Variants in SRP19 observed in about 807,000 individuals in gnomAD.
SRP19 encodes the protein signal recognition particle 19, also known as signal recognition particle 19 kDa protein.
Under a neutral mutation model 22.4 loss-of-function variants are expected in SRP19, and 11 were observed. The observed-to-expected ratio is 0.49, with a 90% CI of 0.31 to 0.81. The LOEUF (loss-of-function observed/expected upper bound fraction) is 0.81. SRP19 is among the 40% of genes least tolerant of loss of function. The probability of loss-of-function intolerance (pLI) is 0.05; values close to 1 mark genes in which losing one functional copy is unlikely to be tolerated. For missense variants in SRP19, 168 were observed against 175.9 expected (o/e 0.96, Z 0.25); for synonymous variants, 61 against 57.6 (o/e 1.06, Z -0.27).
At chr5:112,887,250 T>A in intron 4 of SRP19, 2 of 1,368,320 alleles carry the variant, frequency 1.5e-6, no homozygotes, top group Admixed American at 2.2e-5. Context: ...GAATACACAC[T>A]GTCTTTCACT....
chr5:112,866,288 G>C (rs1767603395), intron 4 of SRP19, among the ~76,000 whole-genome samples: 1 of 151,856 alleles, frequency 6.6e-6, no homozygotes, highest in Non-Finnish European at 1.5e-5. Flanking sequence ...GGCTAATTTT[G>C]TATTTTTAGT....
downstream of SRP19, chr5:112,895,623 T>G (rs1248333734): frequency 6.6e-6 from 1 of 152,216 alleles, no homozygotes; most frequent in Non-Finnish European, 1.5e-5. Context: ...TACTGCTCTC[T>G]AGCTACATCC....
At chr5:112,875,747 A>G (rs1473138190) in intron 4 of SRP19, among the ~76,000 whole-genome samples, 3 of 152,088 alleles carry the variant, frequency 2.0e-5, no homozygotes, top group Non-Finnish European at 4.4e-5. Context: ...GGCACATGTA[A>G]AAAGTTTACT....
downstream of SRP19, among the ~76,000 whole-genome samples, chr5:112,874,487 C>T (rs1224828886): frequency 2.0e-5 from 3 of 152,174 alleles, no homozygotes; most frequent in Admixed American, 6.5e-5. Flanking sequence ...TAAATCAGCA[C>T]TTTGTTAGTG....
chr5:112,881,128 C>CA (rs58737941), intron 4 of SRP19, among the ~76,000 whole-genome samples: 4,773 of 66,832 alleles, frequency 0.071, 420 homozygotes, highest in Middle Eastern at 0.15. Context: ...GACTCTGTTT[C>CA]AAAAAAAAAA....
intron 2 of SRP19, 152 bp from the exon 3 acceptor site, chr5:112,864,305 A>T (rs1209737849): frequency 1.1e-5 from 7 of 641,110 alleles, no homozygotes; most frequent in South Asian, 2.0e-5. Context: ...AGGAATTTTT[A>T]AAATTACAAT....
In SRP19 at chr5:112,864,800, C is replaced by G. The variant is rs888331024; in HGVS notation, c.301+68C>G. ...TCTCCTACACAACACAAAAAAGGTT[C>G]TAAAACTGAAAGGTAAAAGTCAGAA... On this transcript the variant is annotated intron_variant, in intron 4 of 4. Coordinates refer to ENST00000505459, the MANE Select transcript of SRP19 (RefSeq NM_003135.3). The G allele has an allele frequency of 5.8e-5, 72 of 1,249,362 alleles. No homozygotes were observed. In the Admixed American group the frequency reaches 9.6e-4, roughly 17 times the overall value. The allele number at this position is 1,249,362 out of a possible 1,614,324, so 77.4% of individuals were successfully genotyped here.
At chr5:112,872,205 C>G (rs1767774799), downstream of SRP19, among the ~76,000 whole-genome samples, 1 of 151,730 alleles carries the variant, frequency 6.6e-6, no homozygotes. Context: ...ACATTTGCTA[C>G]TAAAAGTATG....
chr5:112,861,473 G>A (rs1767396177), intron 1 of SRP19, 56 bp downstream of exon 1: 19 of 1,568,196 alleles, frequency 1.2e-5, no homozygotes, highest in Non-Finnish European at 1.7e-5. Context: ...TGGTGCTGCA[G>A]GTGCTACACC....
In SRP19 at chr5:112,864,722, G is replaced by C; in HGVS notation, c.291G>C (p.Gln97His). ...AAGATGGGAGCCTCTGCCTTGTACA[G>C]TTCCCATCACGTAAGCTTGTTTAAA... ...KQEDGSLCLV[Q>H]FPSRKSVMLY... The change falls in exon 4 of 5, where the codon CAG becomes CAC. Residue 97 changes from glutamine to histidine, a missense_variant. Gln to His is a conservative substitution (Grantham distance 24). Coordinates refer to ENST00000505459, the MANE Select transcript of SRP19 (RefSeq NM_003135.3). 2 of 1,612,102 alleles carry C rather than the reference G, an allele frequency of 1.2e-6. No homozygotes were observed. Among genetic ancestry groups the C allele is most frequent in the Non-Finnish European group, 1.7e-6 (2 of 1,178,834 alleles).
intron 4 of SRP19, among the ~76,000 whole-genome samples, chr5:112,890,798 T>C (rs1310342805): frequency 6.6e-6 from 1 of 150,904 alleles, no homozygotes; most frequent in Non-Finnish European, 1.5e-5. Context: ...CCAATCCTGG[T>C]TCTGCCATTT....
chr5:112,893,274 G>C (rs1356545865), downstream of SRP19: 2 of 266,100 alleles, frequency 7.5e-6, no homozygotes, highest in Non-Finnish European at 7.3e-6. Context: ...GCCAGGTGTG[G>C]TGGCAGGCGT....
downstream of SRP19, among the ~76,000 whole-genome samples, chr5:112,873,382 C>T (rs376809555): frequency 2.0e-4 from 29 of 145,064 alleles, no homozygotes; most frequent in African/African-American, 4.8e-4. Flanking sequence ...TGTTTCACAC[C>T]GTCACCCAGA....
In SRP19 at chr5:112,879,919, C is replaced by G. The variant is rs150745079; in HGVS notation, c.302-11684C>G. On this transcript the variant is annotated intron_variant, in intron 4 of 4. Transcript: ENST00000391338. ...TATGAATGGTGAGACCCCCACCCCC[C>G]ACCTCTATTTTAAAAAAATTTTAAA... Among the ~76,000 whole-genome samples, 554 of 151,996 alleles carry G rather than the reference C, an allele frequency of 3.6e-3. 4 individuals are homozygous for G. The highest frequency in any genetic ancestry group is 0.013 in the African/African-American group (535 of 41,468).
downstream of SRP19, among the ~76,000 whole-genome samples, chr5:112,873,861 T>A (rs1184197414): frequency 4.6e-5 from 7 of 151,976 alleles, no homozygotes; most frequent in Non-Finnish European, 8.8e-5. Context: ...GACCAAAAGG[T>A]TGATTATAAG....
At position 112,868,310 on chromosome 5, in the gene SRP19, A is replaced by C; in HGVS notation, c.*773A>C. 1 of 985,754 alleles carries C rather than the reference A, an allele frequency of 1.0e-6. No homozygotes were observed. The highest frequency in any genetic ancestry group is 1.2e-6 in the Non-Finnish European group (1 of 830,174). The allele number at this position is 985,754 out of a possible 1,614,324, so 61.1% of individuals were successfully genotyped here. ...AAAGTAGTGATTTTGAGCTATCCCA[A>C]TTCCTGTTCTTCCTGAGGCCTGGTT... On this transcript the variant is annotated 3_prime_UTR_variant, in exon 5 of 5. Coordinates refer to ENST00000505459, the MANE Select transcript of SRP19 (RefSeq NM_003135.3).
At chr5:112,887,276 G>A (rs1768285192) in intron 4 of SRP19, 9 of 1,188,486 alleles carry the variant, frequency 7.6e-6, no homozygotes, top group Non-Finnish European at 9.9e-6. Context: ...GGGGATGGGA[G>A]ATGCCTCTGT....
At chr5:112,889,456 T>A (rs572953454) in intron 4 of SRP19, among the ~76,000 whole-genome samples, 21 of 150,948 alleles carry the variant, frequency 1.4e-4, no homozygotes, top group East Asian at 2.0e-4. Context: ...AATAGGATGA[T>A]AAAGAAGGAA....
rs755907382 is a variant in SRP19 at position 112,892,072 on chromosome 5, C to G, written c.*465C>G. 3.1e-6 allele frequency: 5 copies of G among 1,593,418 alleles called. No individual in the cohort carries two copies. The African/African-American group carries it at 5.4e-5, about 17-fold the overall frequency. On this transcript the variant is annotated 3_prime_UTR_variant, in exon 5 of 5. Transcript: ENST00000391338. ...AAAAGAGGAAGCTGTGCAGAAGATG[C>G]TGGATCAGGCTGAAAATGATTTAGA...
Sources: gnomAD v4.1 joint callset for allele counts (sites outside exome capture counted in the v4.1 genomes callset) on GRCh38, gnomAD v4.1.1 for gene constraint, MANE v1.5 for transcripts, NCBI Gene and HGNC (gene_info 2026-07-23, HGNC 2026-07-21) for gene names.